The following SCEL variants were observed in gnomAD, a reference collection of about 807,000 sequenced individuals.
The protein encoded by SCEL is sciellin.
In SCEL, 113 loss-of-function variants were observed where a neutral mutation model predicts 117.6. The observed-to-expected ratio is 0.96, with a 90% CI of 0.83 to 1.12. The LOEUF (loss-of-function observed/expected upper bound fraction) is 1.12. Among genes scored for constraint, SCEL ranks in the 50% most tolerant of loss-of-function variants. The pLI, the probability that SCEL is intolerant of heterozygous loss-of-function variation, is 0.00. For synonymous variants in SCEL, 270 were observed against 256.2 expected, an observed-to-expected ratio of 1.05 and a Z score of -0.51; for missense variants, 785 against 810.8, an observed-to-expected ratio of 0.97 and a Z score of 0.39.
chr13:77,602,407 A>G, intron 16 of SCEL: 2 of 486,592 alleles, frequency 4.1e-6, no homozygotes, highest in Admixed American at 7.3e-5. Flanking sequence ...ATTAAGAAAT[A>G]TAAAGGACAA....
At chr13:77,596,448 C>A (rs1036222072) in intron 12 of SCEL, among the ~76,000 whole-genome samples, 49 of 152,014 alleles carry the variant, frequency 3.2e-4, no homozygotes, top group African/African-American at 1.1e-3. Flanking sequence ...AGGCATTGTG[C>A]TAAATACTTT....
chr13:77,596,643 T>A (rs2087250197), intron 12 of SCEL, among the ~76,000 whole-genome samples: 1 of 151,918 alleles, frequency 6.6e-6, no homozygotes, highest in South Asian at 2.1e-4. Context: ...ACTACTGATT[T>A]GTGAACAGAA....
intron 4 of SCEL, among the ~76,000 whole-genome samples, chr13:77,560,384 G>A (rs2084913924): frequency 6.6e-6 from 1 of 152,138 alleles, no homozygotes. Context: ...GCTGGAGTGG[G>A]CAGTGATGCT....
chr13:77,553,500 A>T (rs1401830283), intron 1 of SCEL, among the ~76,000 whole-genome samples: 1 of 152,178 alleles, frequency 6.6e-6, no homozygotes, highest in Non-Finnish European at 1.5e-5. Flanking sequence ...GTCCTGAGAC[A>T]CACTGCCAGA....
chr13:77,545,734 G>C (rs953848709), intron 1 of SCEL, among the ~76,000 whole-genome samples: 1 of 152,248 alleles, frequency 6.6e-6, no homozygotes, highest in Non-Finnish European at 1.5e-5. Context: ...TGGGTCCTAA[G>C]AGAAGAAGAG....
chr13:77,575,413 A>T (rs1308898394), intron 9 of SCEL, among the ~76,000 whole-genome samples: 1 of 152,196 alleles, frequency 6.6e-6, no homozygotes, highest in Non-Finnish European at 1.5e-5. Context: ...TATAATTAAC[A>T]CAAGGCTGGT....
intron 9 of SCEL, among the ~76,000 whole-genome samples, chr13:77,573,675 ATCTATCTG>A (rs1207684474): frequency 1.1e-3 from 165 of 147,788 alleles, no homozygotes; most frequent in Middle Eastern, 3.6e-3. Flanking sequence ...CTATCTATCT[ATCTATCTG>A]TCTATCTATC....
chr13:77,598,661 T>G (rs1056714161), intron 13 of SCEL, among the ~76,000 whole-genome samples: 10 of 152,188 alleles, frequency 6.6e-5, no homozygotes, highest in African/African-American at 2.4e-4. Context: ...CAGGAGATCC[T>G]GAAAATCCAG....
At chr13:77,559,026 A>C (rs2084824821) in intron 3 of SCEL, among the ~76,000 whole-genome samples, 1 of 152,106 alleles carries the variant, frequency 6.6e-6, no homozygotes. Flanking sequence ...ACAAAGTAAG[A>C]ATGATATTAC....
At chr13:77,626,466 G>T (rs1424956007) in intron 27 of SCEL, among the ~76,000 whole-genome samples, 1 of 152,036 alleles carries the variant, frequency 6.6e-6, no homozygotes, top group African/African-American at 2.4e-5. Flanking sequence ...ATATGGTTTG[G>T]CTCTGTGTCC....
At chr13:77,555,442 G>A (rs2084598627) in intron 1 of SCEL, among the ~76,000 whole-genome samples, 1 of 152,168 alleles carries the variant, frequency 6.6e-6, no homozygotes, top group Non-Finnish European at 1.5e-5. Context: ...GGCGTTCACA[G>A]TGTGCTGTGG....
At chr13:77,638,050 G>T (rs1567450507) in intron 30 of SCEL, among the ~76,000 whole-genome samples, 2 of 152,266 alleles carry the variant, frequency 1.3e-5, no homozygotes, top group East Asian at 3.9e-4. Flanking sequence ...CACTGATGTT[G>T]TTTCTTTATA....
At chr13:77,623,148 A>G (rs74095823) in intron 27 of SCEL, among the ~76,000 whole-genome samples, 6 of 152,344 alleles carry the variant, frequency 3.9e-5, no homozygotes, top group African/African-American at 1.4e-4. Context: ...AAAAGTCATT[A>G]TGCAATTGAT....
chr13:77,610,144 T>C (rs937606785), intron 22 of SCEL, 38 bp downstream of exon 22: 4 of 1,458,646 alleles, frequency 2.7e-6, no homozygotes, highest in African/African-American at 2.8e-5. Flanking sequence ...CCCCCCTTTT[T>C]TTTTCCTAAT....
chr13:77,550,014 T>C (rs1365962603), intron 1 of SCEL, among the ~76,000 whole-genome samples: 18 of 152,090 alleles, frequency 1.2e-4, no homozygotes. Flanking sequence ...GCCAGTTTTT[T>C]TTTTTTTTTT....
intron 29 of SCEL, among the ~76,000 whole-genome samples, chr13:77,635,277 G>T (rs140352858): frequency 6.6e-6 from 1 of 152,118 alleles, no homozygotes; most frequent in East Asian, 1.9e-4. Context: ...ACTCTCTGGC[G>T]TGTTCAAGTC....
Position 77,575,730 on chromosome 13 carries a change from T to G in SCEL, c.545+3541T>G, listed in dbSNP as rs995755498. Among the ~76,000 whole-genome samples, 5 of 152,366 alleles carry G rather than the reference T, an allele frequency of 3.3e-5. No individual in the cohort carries two copies. In the South Asian group the frequency reaches 8.3e-4, roughly 25 times the overall value. ...GGCCCTTCTAGCTTATTTCTAAGCT[T>G]GCTTCTTGGTCATTGTGATTTCAAC... On this transcript the variant is annotated intron_variant, in intron 9 of 32. Transcript: ENST00000349847.
At chr13:77,547,317 A>G (rs1356766723) in intron 1 of SCEL, among the ~76,000 whole-genome samples, 1 of 152,270 alleles carries the variant, frequency 6.6e-6, no homozygotes, top group Non-Finnish European at 1.5e-5. Flanking sequence ...CCTGAAATCT[A>G]TAGTGATGAT....
chr13:77,551,469 A>C (rs766762374), intron 1 of SCEL, among the ~76,000 whole-genome samples: 2 of 152,164 alleles, frequency 1.3e-5, no homozygotes, highest in South Asian at 4.1e-4. Flanking sequence ...GGGTGACTTA[A>C]ATAACAGAAA....
Sources: gnomAD v4.1 joint callset for allele counts (sites outside exome capture counted in the v4.1 genomes callset) on GRCh38, gnomAD v4.1.1 for gene constraint, MANE v1.5 for transcripts, NCBI Gene and HGNC (gene_info 2026-07-23, HGNC 2026-07-21) for gene names.